Variants in MGAT1 observed in about 807,000 individuals in gnomAD.
The protein encoded by MGAT1 is alpha-1,3-mannosyl-glycoprotein 2-beta-N-acetylglucosaminyltransferase.
A neutral mutation model predicts 31.7 loss-of-function variants in MGAT1; 14 were observed. The ratio of observed to expected loss-of-function variants is 0.44; its 90% confidence interval spans 0.29 to 0.69. The LOEUF (loss-of-function observed/expected upper bound fraction) is 0.69. MGAT1 is among the 30% of genes least tolerant of loss of function. The probability of loss-of-function intolerance (pLI) is 0.12; values close to 1 mark genes in which losing one functional copy is unlikely to be tolerated. For synonymous variants in MGAT1, 338 were observed against 276.0 expected, an observed-to-expected ratio of 1.22 and a Z score of -2.23; for missense variants, 557 against 626.0, an observed-to-expected ratio of 0.89 and a Z score of 1.18.
Position 180,791,273 on chromosome 5 carries a change from G to A in MGAT1, c.*361C>T, listed in dbSNP as rs1428570852. On this transcript the variant is annotated 3_prime_UTR_variant, in exon 2 of 2. Coordinates refer to ENST00000307826, the MANE Select transcript of MGAT1 (RefSeq NM_002406.4). ...GCTCGTGCCCTGGCTGGAAGAGCCAGGTCAGGGAGAAGGGGTCTGGTCAAG... is the reference window on the plus strand; with the variant it reads ...GCTCGTGCCCTGGCTGGAAGAGCCAAGTCAGGGAGAAGGGGTCTGGTCAAG... 2 of 278,046 alleles carry A rather than the reference G, an allele frequency of 7.2e-6. No individual in the cohort carries two copies. The highest frequency in any genetic ancestry group is 4.9e-5 in the Admixed American group (1 of 20,372). 17.2% of individuals were successfully genotyped at this position (278,046 alleles called of 1,614,324 possible).
At chr5:180,797,434 G>C (rs1225871437) in intron 1 of MGAT1, among the ~76,000 whole-genome samples, 2 of 147,284 alleles carry the variant, frequency 1.4e-5, no homozygotes, top group South Asian at 2.2e-4. Context: ...AAAAAAGGGG[G>C]GGGGGGCCCA....
rs532610982 is a variant in MGAT1 at position 180,793,695 on chromosome 5, G to C, written c.-126-598C>G. On this transcript the variant is annotated intron_variant, in intron 1 of 1. Coordinates refer to ENST00000307826, the MANE Select transcript of MGAT1 (RefSeq NM_002406.4). ...AGAATATGCCTGGAAAACTCAAAAA[G>C]AATCAATAATGAACTGAGCAAGGAA... is the stretch of plus-strand genomic sequence containing the variant. Among the ~76,000 whole-genome samples, 3 of 152,194 alleles carry C rather than the reference G, an allele frequency of 2.0e-5. No homozygotes were observed. The East Asian group carries it at 5.8e-4, about 29-fold the overall frequency.
At chr5:180,795,620 T>G (rs1288921284) in intron 1 of MGAT1, 2 of 152,218 alleles carry the variant, frequency 1.3e-5, no homozygotes, top group African/African-American at 4.8e-5. Flanking sequence ...AACAGGTGAA[T>G]CTGAGTAAAG....
rs1176147746 is a variant in MGAT1 at position 180,791,610 on chromosome 5, G to A, written c.*24C>T. 16 of 1,606,890 alleles carry A rather than the reference G, an allele frequency of 1.0e-5. No homozygotes were observed. In the Admixed American group the frequency reaches 2.5e-4, roughly 25 times the overall value. ...CCTCAGCTCATGATGTGGCAAGGAG[G>A]GGCCCAGGAAGGACAGGCAGGTGCT... On this transcript the variant is annotated 3_prime_UTR_variant, in exon 2 of 2. Transcript: ENST00000307826.
chr5:180,813,501 C>A (rs1772693028), intron 1 of MGAT1, among the ~76,000 whole-genome samples: 1 of 152,178 alleles, frequency 6.6e-6, no homozygotes, highest in South Asian at 2.1e-4. Context: ...GCTCTTTTGA[C>A]ATTGCAGTAG....
At chr5:180,810,359 C>T (rs184107115) in intron 1 of MGAT1, 1 of 152,416 alleles carries the variant, frequency 6.6e-6, no homozygotes, top group Non-Finnish European at 1.5e-5. Flanking sequence ...AGCCACTGTT[C>T]ACAGGGCTGA....
rs201350610 is a variant in MGAT1, at chr5:180,792,695, C to T, written c.277G>A (p.Ala93Thr). Residue 93 changes from alanine to threonine, a missense_variant, in exon 2 of 2, where the codon GCC becomes ACC. Physicochemically the swap from Ala to Thr is moderately conservative, Grantham distance 58 (BLOSUM62 0). Transcript: ENST00000307826. ...RGRVPTAAPP[A>T]QPRVPVTPAP... ...GGGGTCACAGGCACACGCGGCTGGG[C>T]GGGAGGGGCCGCGGTGGGCACCCTC... 14 of 1,554,294 alleles carry T rather than the reference C, an allele frequency of 9.0e-6. No homozygotes were observed. The highest frequency in any genetic ancestry group is 2.4e-5 in the East Asian group (1 of 42,532).
chr5:180,807,953 A>G (rs1288495064), intron 2 of MGAT1, among the ~76,000 whole-genome samples: 1 of 152,254 alleles, frequency 6.6e-6, no homozygotes, highest in Admixed American at 6.5e-5. Flanking sequence ...GGCCCTGGAT[A>G]CTTTTCAAAA....
rs746111411 is a variant in MGAT1 at position 180,792,476 on chromosome 5, C to G, written c.496G>C (p.Asp166His). The change falls in exon 2 of 2, where the codon GAC (aspartate) becomes CAC (histidine). Residue 166 changes from aspartate (D) to histidine (H), a missense_variant. Asp to His is a moderately conservative substitution (Grantham distance 81). This residue lies in a region of MGAT1 where 245 missense variants were observed against 332.9 expected (regional missense o/e 0.74). Coordinates refer to ENST00000307826, the MANE Select transcript of MGAT1 (RefSeq NM_002406.4). Reference protein sequence around the residue: ...GSAVTHIRQPDLSSIAVPPDH... With the variant: ...GSAVTHIRQPHLSSIAVPPDH... Reference sequence around the variant, plus strand: ...GGCGGCACCGCAATGCTGCTCAGGTCGGGCTGCCGGATGTGCGTGACCGCG... The same window carrying G: ...GGCGGCACCGCAATGCTGCTCAGGTGGGGCTGCCGGATGTGCGTGACCGCG... 23 of 1,612,800 alleles carry G rather than the reference C, an allele frequency of 1.4e-5. No individual in the cohort carries two copies. In the South Asian group the frequency reaches 2.5e-4, roughly 18 times the overall value.
upstream of MGAT1, among the ~76,000 whole-genome samples, chr5:180,805,681 C>T (rs1267892297): frequency 7.9e-5 from 12 of 151,828 alleles, no homozygotes; most frequent in Admixed American, 4.6e-4. Context: ...ACCTGGGAAG[C>T]GGAGGTTGCA....
chr5:180,794,217 A>G (rs1768833571), intron 1 of MGAT1, among the ~76,000 whole-genome samples: 1 of 145,598 alleles, frequency 6.9e-6, no homozygotes, highest in South Asian at 2.3e-4. Flanking sequence ...TGTCTCTACA[A>G]GTAACAATTA....
chr5:180,802,392 C>A (rs1032034173), intron 1 of MGAT1, among the ~76,000 whole-genome samples: 1 of 152,288 alleles, frequency 6.6e-6, no homozygotes, highest in South Asian at 2.1e-4. Context: ...CACGGACGCC[C>A]GGGGCCGAGT....
At chr5:180,809,598 T>C (rs1442628254) in intron 1 of MGAT1, 1 of 152,010 alleles carries the variant, frequency 6.6e-6, no homozygotes, top group East Asian at 1.9e-4. Flanking sequence ...GCTCCCCCTC[T>C]GCTTGCAAAA....
chr5:180,814,419 T>A (rs1412137574), intron 1 of MGAT1, among the ~76,000 whole-genome samples: 3 of 152,198 alleles, frequency 2.0e-5, no homozygotes, highest in Non-Finnish European at 2.9e-5. Context: ...CTCTCTGGGG[T>A]TCCCCCTCCT....
chr5:180,794,411 T>TA (rs1554130048), intron 1 of MGAT1, among the ~76,000 whole-genome samples: 5 of 142,034 alleles, frequency 3.5e-5, no homozygotes, highest in African/African-American at 1.4e-4. Context: ...TTTTTTTTTA[T>TA]TATATATATA....
Position 180,792,990 on chromosome 5 carries a change from G to C in MGAT1, c.-19C>G, listed in dbSNP as rs779351211. 2 of 1,612,114 alleles carry C rather than the reference G, an allele frequency of 1.2e-6. No homozygotes were observed. The highest frequency in any genetic ancestry group is 1.7e-5 in the Admixed American group (1 of 59,946). On this transcript the variant is annotated 5_prime_UTR_variant, in exon 2 of 2. Transcript: ENST00000307826. ...TCAGCATCCTGGCCCCCACCGGGGA[G>C]GGCAGGCCAGGGGACGGTTCAAGGC...
intron 1 of MGAT1, among the ~76,000 whole-genome samples, chr5:180,811,972 C>T (rs889553121): frequency 1.3e-5 from 2 of 152,198 alleles, no homozygotes; most frequent in African/African-American, 2.4e-5. Context: ...GAGGCCTTTC[C>T]TGACCAACCT....
intron 1 of MGAT1, chr5:180,809,761 C>T (rs1318959970): frequency 6.6e-6 from 1 of 151,980 alleles, no homozygotes; most frequent in Non-Finnish European, 1.5e-5. Flanking sequence ...CCTGTTGCCC[C>T]CTCCCCTCCA....
intron 1 of MGAT1, among the ~76,000 whole-genome samples, chr5:180,799,769 G>A (rs72650619): frequency 0.085 from 12,996 of 152,200 alleles, 619 homozygotes; most frequent in East Asian, 0.21. Flanking sequence ...AGAGCTGAGG[G>A]TCTATGTTCC....
Sources: gnomAD v4.1 joint callset for allele counts (sites outside exome capture counted in the v4.1 genomes callset) on GRCh38, gnomAD v4.1.1 for gene constraint, gnomAD v4.1.1 regional missense constraint, MANE v1.5 for transcripts, NCBI Gene and HGNC (gene_info 2026-07-23, HGNC 2026-07-21) for gene names.